The following COL12A1 variants were observed in gnomAD, a reference collection of about 807,000 sequenced individuals.
COL12A1 encodes collagen type XII alpha 1 chain, also known as collagen alpha-1(XII) chain.
Under a neutral mutation model 349.7 loss-of-function variants are expected in COL12A1, and 114 were observed. The observed-to-expected ratio is 0.33, with a 90% CI of 0.28 to 0.38. COL12A1 has a LOEUF of 0.38. Ranked by LOEUF, COL12A1 falls within the 10% of genes least tolerant of loss-of-function variation. COL12A1 has a pLI of 1.00. For missense variants in COL12A1, 3,284 were observed against 3,756.9 expected (o/e 0.87, Z 3.29); for synonymous variants, 1,369 against 1,329.0 (o/e 1.03, Z -0.66).
intron 13 of COL12A1, among the ~76,000 whole-genome samples, chr6:75,166,288 A>G (rs759474961): frequency 1.1e-4 from 17 of 152,222 alleles, no homozygotes; most frequent in Admixed American, 8.5e-4. Flanking sequence ...CTTAATGCCA[A>G]CAACAGTTTA....
At chr6:75,117,602 T>C in intron 46 of COL12A1, 56 bp from the exon 47 acceptor site, 2 of 1,557,332 alleles carry the variant, frequency 1.3e-6, no homozygotes, top group South Asian at 1.2e-5. Context: ...TCCTTGTTGT[T>C]AGAACAATGC....
Position 75,164,765 on chromosome 6 carries a change from A to C in COL12A1, c.2983+742T>G, listed in dbSNP as rs549027843. 3.9e-5 allele frequency among the ~76,000 whole-genome samples: 6 copies of C among 152,250 alleles called. No individual in the cohort carries two copies. The South Asian group carries it at 1.2e-3, about 32-fold the overall frequency. On this transcript the variant is annotated intron_variant, in intron 14 of 65. Coordinates refer to ENST00000322507, the MANE Select transcript of COL12A1 (RefSeq NM_004370.6). ...TTATCACTTAAACAAATAACCTTTT[A>C]GGATAGTGAATTAAGATATCCTGAC...
chr6:75,093,703 C>T (rs1267178109), intron 60 of COL12A1, among the ~76,000 whole-genome samples: 1 of 152,072 alleles, frequency 6.6e-6, no homozygotes, highest in Admixed American at 6.5e-5. Flanking sequence ...GGATTTTTTA[C>T]ATTTACTGCT....
intron 13 of COL12A1, among the ~76,000 whole-genome samples, chr6:75,170,404 ACATT>A (rs926769933): frequency 6.6e-6 from 1 of 152,220 alleles, no homozygotes. Flanking sequence ...CTTGTGGATA[ACATT>A]CATGTGGAAA....
chr6:75,131,813 A>G, intron 35 of COL12A1, 127 bp downstream of exon 35: 1 of 1,077,514 alleles, frequency 9.3e-7, no homozygotes, highest in South Asian at 1.9e-5. Flanking sequence ...TCAAGTCATC[A>G]AAAACAATAA....
At chr6:75,174,534 C>T (rs1362378982) in intron 13 of COL12A1, among the ~76,000 whole-genome samples, 3 of 151,770 alleles carry the variant, frequency 2.0e-5, no homozygotes, top group Non-Finnish European at 4.4e-5. Context: ...CCAGCCTGGG[C>T]GAAAGAGCGA....
At chr6:75,105,427 T>A (rs1041082472) in intron 53 of COL12A1, 135 bp from the exon 54 acceptor site, 11 of 655,046 alleles carry the variant, frequency 1.7e-5, no homozygotes, top group Non-Finnish European at 2.9e-5. Context: ...TTATGAATAG[T>A]CTTATGTTGA....
chr6:75,163,367 A>C (rs2149435501), intron 14 of COL12A1, among the ~76,000 whole-genome samples: 1 of 152,354 alleles, frequency 6.6e-6, no homozygotes, highest in South Asian at 2.1e-4. Flanking sequence ...TTGCAAGGAC[A>C]TGGATCATGT....
At chr6:75,138,698 T>C (rs1766747863) in intron 28 of COL12A1, 118 bp from the exon 29 acceptor site, 1 of 1,548,342 alleles carries the variant, frequency 6.5e-7, no homozygotes, top group Non-Finnish European at 8.8e-7. Flanking sequence ...CTCTGATGCA[T>C]GTCATGAGCT....
In COL12A1 at chr6:75,177,806, C is replaced by A. The variant is rs1192082789; in HGVS notation, c.2294G>T (p.Ser765Ile). The change falls in exon 12 of 66, where the codon AGC (serine) becomes ATC (isoleucine). Residue 765 changes from serine to isoleucine, a missense_variant. By Grantham distance (142) the Ser-to-Ile change is moderately radical (BLOSUM62 -2). Around this residue, in one of 2 missense-constraint regions of COL12A1, gnomAD observed 2,601 missense variants for 2,824.8 expected, o/e 0.92. Coordinates refer to ENST00000322507, the MANE Select transcript of COL12A1 (RefSeq NM_004370.6). ...ATTGGGTGGGGTGGTAACTTCTCTGCTCTCTCCACCAGCAACTGGTCTATA... is the reference window on the plus strand; with the variant it reads ...ATTGGGTGGGGTGGTAACTTCTCTGATCTCTCCACCAGCAACTGGTCTATA... ...IIYRPVAGGE[S>I]REVTTPPNQR... The A allele has an allele frequency of 6.2e-7, 1 of 1,614,122 alleles. No individual in the cohort carries two copies. Among genetic ancestry groups the A allele is most frequent in the East Asian group, 2.2e-5 (1 of 44,866 alleles).
chr6:75,137,697 G>A (rs1014304919), intron 30 of COL12A1, 118 bp from the exon 31 acceptor site: 20 of 1,099,076 alleles, frequency 1.8e-5, no homozygotes, highest in South Asian at 4.5e-5. Flanking sequence ...AATTAAATTC[G>A]TTCCCTTAAT....
chr6:75,123,620 G>T (rs1765855219), intron 42 of COL12A1, among the ~76,000 whole-genome samples: 1 of 152,070 alleles, frequency 6.6e-6, no homozygotes, highest in African/African-American at 2.4e-5. Flanking sequence ...AGAAAATAAA[G>T]ATCTAAAGGG....
intron 46 of COL12A1, 81 bp from the exon 47 acceptor site, chr6:75,117,627 C>G: frequency 6.8e-7 from 1 of 1,466,998 alleles, no homozygotes; most frequent in Middle Eastern, 1.8e-4. Context: ...AAATTCTTAT[C>G]AGAAATGATG....
intron 39 of COL12A1, among the ~76,000 whole-genome samples, chr6:75,126,142 A>G (rs1204291791): frequency 2.0e-5 from 3 of 152,012 alleles, no homozygotes; most frequent in East Asian, 1.9e-4. Context: ...ATGACATTTA[A>G]TAAGAATCTC....
chr6:75,085,572 C>A lies in COL12A1; in HGVS notation c.*975G>T. 6.2e-6 allele frequency: 2 copies of A among 324,620 alleles called. No individual in the cohort carries two copies. Among genetic ancestry groups the A allele is most frequent in the Non-Finnish European group, 1.2e-5 (2 of 161,050 alleles). 20.1% of individuals were successfully genotyped at this position (324,620 alleles called of 1,614,324 possible). On this transcript the variant is annotated 3_prime_UTR_variant, in exon 66 of 66. Coordinates refer to ENST00000322507, the MANE Select transcript of COL12A1 (RefSeq NM_004370.6). ...GCACTTTCTTAAAAAAAAAAACCTT[C>A]AAAAATCCAGCAGTAAACACAATCA...
rs202175607 is a variant in COL12A1 at position 75,183,956 on chromosome 6, C to A, written c.1186G>T (p.Ala396Ser). 1.2e-6 allele frequency: 2 copies of A among 1,614,054 alleles called. No individual in the cohort carries two copies. The highest frequency in any genetic ancestry group is 2.2e-5 in the South Asian group (2 of 91,090). ...ACACTGATCTGGTATTCTGTGTCTGCTGAGAGGTCGCGAACACTGAGCGTG... is the reference window on the plus strand; with the variant it reads ...ACACTGATCTGGTATTCTGTGTCTGATGAGAGGTCGCGAACACTGAGCGTG... ...TTTLSVRDLSADTEYQISVSA... is the reference protein window; with the variant it reads ...TTTLSVRDLSSDTEYQISVSA... Residue 396 changes from alanine to serine, a missense_variant, in exon 9 of 66, where the codon GCA (alanine) becomes TCA (serine). This residue lies in a region of COL12A1 where 2,601 missense variants were observed against 2,824.8 expected (regional missense o/e 0.92). Transcript: ENST00000322507.
intron 2 of COL12A1, among the ~76,000 whole-genome samples, chr6:75,198,055 A>C (rs1170674388): frequency 6.6e-6 from 1 of 152,208 alleles, no homozygotes; most frequent in African/African-American, 2.4e-5. Context: ...TGAAATTCAG[A>C]GAGATTAACA....
intron 30 of COL12A1, 22 bp from the exon 31 acceptor site, chr6:75,137,601 A>G (rs772785148): frequency 1.2e-6 from 2 of 1,613,162 alleles, no homozygotes; most frequent in African/African-American, 2.7e-5. Flanking sequence ...TTGTTGAAAA[A>G]CTGAGTAAGC....
intron 58 of COL12A1, among the ~76,000 whole-genome samples, chr6:75,097,717 T>C (rs1768120991): frequency 6.6e-6 from 1 of 152,206 alleles, no homozygotes; most frequent in Non-Finnish European, 1.5e-5. Context: ...CCAGGAAGGA[T>C]GCAGGTGAGA....
Sources: gnomAD v4.1 joint callset for allele counts (sites outside exome capture counted in the v4.1 genomes callset) on GRCh38, gnomAD v4.1.1 for gene constraint, gnomAD v4.1.1 regional missense constraint, MANE v1.5 for transcripts, NCBI Gene and HGNC (gene_info 2026-07-23, HGNC 2026-07-21) for gene names.